ABHD16A: variants seen among roughly 807,000 people sequenced by gnomAD.
The protein encoded by ABHD16A is abhydrolase domain containing 16A, phospholipase, also known as phosphatidylserine lipase ABHD16A.
Under a neutral mutation model 89.8 loss-of-function variants are expected in ABHD16A, and 47 were observed. The ratio of observed to expected loss-of-function variants is 0.52; its 90% CI spans 0.41 to 0.67. The LOEUF (loss-of-function observed/expected upper bound fraction) is 0.67, where lower values mean the gene tolerates loss of function less well. Ranked by LOEUF, ABHD16A falls within the 30% of genes least tolerant of loss-of-function variation. The probability of loss-of-function intolerance (pLI) is 0.00; values close to 1 mark genes in which losing one functional copy is unlikely to be tolerated. For missense variants in ABHD16A, 580 were observed against 734.6 expected (o/e 0.79, Z 2.43); for synonymous variants, 251 against 280.4 (o/e 0.90, Z 1.05).
rs2151263505 is a variant in ABHD16A, at chr6:31,703,267, C to G, written c.15G>C (p.Leu5=). Residue 5 remains leucine (L), a synonymous_variant, in exon 1 of 20, where the codon CTG becomes CTC. Coordinates refer to ENST00000395952, the MANE Select transcript of ABHD16A (RefSeq NM_021160.3). MAKL[L]SCVLGPRLYK... is the part of the protein sequence containing the mutation. ...AGAGCCGGGGGCCTAGGACGCAGCT[C>G]AGCAGCTTCGCCATGGCCCCGGCTC... The G allele has an allele frequency of 7.3e-7, 1 of 1,363,302 alleles. No individual in the cohort carries two copies. Among genetic ancestry groups the G allele is most frequent in the South Asian group, 2.0e-5 (1 of 50,180 alleles). The allele number at this position is 1,363,302 out of a possible 1,614,324, so 84.5% of individuals were successfully genotyped here.
chr6:31,690,666 C>CTGCCCTCCCTGCCCAA lies in ABHD16A; in HGVS notation c.844-65_844-64insTTGGGCAGGGAGGGCA. 6.9e-7 allele frequency: 1 copy of CTGCCCTCCCTGCCCAA among 1,453,870 alleles called. No individual in the cohort carries two copies. The highest frequency in any genetic ancestry group is 9.7e-7 in the Non-Finnish European group (1 of 1,036,262). 90.1% of individuals were successfully genotyped at this position (1,453,870 alleles called of 1,614,324 possible). A position where few individuals can be genotyped will look rare whatever the true frequency, so the allele number is the denominator to read the frequency against. The stretch of plus-strand genomic sequence containing the variant: ...TTGGGACTGAAAAACTCCCTTTGGG[C>CTGCCCTCCCTGCCCAA]AGGGAGGGCAGCCCATGAAGAGCTT... On this transcript the variant is annotated intron_variant, in intron 9 of 19. Coordinates refer to ENST00000395952, the MANE Select transcript of ABHD16A (RefSeq NM_021160.3). The surrounding 1 kb of genome is among the most constrained non-coding windows in gnomAD (Gnocchi z 4.1).
intron 1 of ABHD16A, chr6:31,702,663 TG>T: frequency 6.5e-7 from 1 of 1,539,354 alleles, no homozygotes; most frequent in Non-Finnish European, 8.7e-7. Context: ...CAGGCTAGGT[TG>T]GGCGGGGGTT....
rs1003694889 is a variant in ABHD16A, at chr6:31,688,776, C to T, written c.1197G>A (p.Val399=). Reference sequence around the variant, plus strand: ...TGAGATGCTGCCTCACGGTCCTGGTCACCAGGCCCCCTAGAGTGGGATAAA... The same window carrying T: ...TGAGATGCTGCCTCACGGTCCTGGTTACCAGGCCCCCTAGAGTGGGATAAA... ...KVMPDSWRGL[V]TRTVRQHLNL... is the part of the protein sequence containing the mutation. Residue 399 remains valine (V), a synonymous_variant, in exon 14 of 20, where the codon GTG becomes GTA. Transcript: ENST00000395952. The surrounding 1 kb of genome is among the most constrained non-coding windows in gnomAD (Gnocchi z 4.9). 1.2e-5 allele frequency: 20 copies of T among 1,612,758 alleles called. No individual in the cohort carries two copies. Among genetic ancestry groups the T allele is most frequent in the Non-Finnish European group, 1.7e-5 (20 of 1,179,922 alleles).
intron 11 of ABHD16A, among the ~76,000 whole-genome samples, 174 bp downstream of exon 11, chr6:31,689,904 C>T (rs1803703523): frequency 6.6e-6 from 1 of 152,234 alleles, no homozygotes; most frequent in Non-Finnish European, 1.5e-5. Context: ...TAGCCCCGCA[C>T]TGTGGGGATG....
At chr6:31,699,080 C>A (rs1016971556) in intron 4 of ABHD16A, among the ~76,000 whole-genome samples, 2 of 152,186 alleles carry the variant, frequency 1.3e-5, no homozygotes, top group Non-Finnish European at 2.9e-5. Flanking sequence ...TGTTCTCCCC[C>A]ACCCCAGGTA....
chr6:31,690,684 A>C lies in ABHD16A; in HGVS notation c.844-82T>G. ...CTTTGGGCAGGGAGGGCAGCCCATG[A>C]AGAGCTTTGCAGGGAAGAGGAAAGG... On this transcript the variant is annotated intron_variant, in intron 9 of 19. Coordinates refer to ENST00000395952, the MANE Select transcript of ABHD16A (RefSeq NM_021160.3). The surrounding 1 kb of genome is among the most constrained non-coding windows in gnomAD (Gnocchi z 4.1). 7.7e-7 allele frequency: 1 copy of C among 1,293,388 alleles called. No individual in the cohort carries two copies. Among genetic ancestry groups the C allele is most frequent in the Non-Finnish European group, 1.1e-6 (1 of 890,750 alleles). 80.1% of individuals were successfully genotyped at this position (1,293,388 alleles called of 1,614,324 possible). A position where few individuals can be genotyped will look rare whatever the true frequency, so the allele number is the denominator to read the frequency against.
In ABHD16A at chr6:31,701,289, A is replaced by G. The variant is rs1435312202; in HGVS notation, c.241T>C (p.Tyr81His). 8 of 1,613,628 alleles carry G rather than the reference A, an allele frequency of 5.0e-6. No homozygotes were observed. The highest frequency in any genetic ancestry group is 6.8e-6 in the Non-Finnish European group (8 of 1,179,742). The part of the protein sequence containing the change: ...SYYSSPFAFF[Y>H]LYRKGYLSLS... ...CCACACTGACCTTTCCTGTACAAGT[A>G]GAAGAAGGCGAAGGGAGAGGAGTAA... The change falls in exon 3 of 20, where the codon TAC becomes CAC. Residue 81 changes from tyrosine to histidine, a missense_variant. Physicochemically the swap from Tyr to His is moderately conservative, Grantham distance 83. Around this residue, in one of 2 missense-constraint regions of ABHD16A, gnomAD observed 165 missense variants for 165.8 expected, o/e 1.00. Transcript: ENST00000395952.
chr6:31,703,075 G>A (rs1250316380), intron 1 of ABHD16A, 75 bp downstream of exon 1: 2 of 1,369,858 alleles, frequency 1.5e-6, no homozygotes, highest in Non-Finnish European at 1.9e-6. Context: ...CCCATTATGG[G>A]CACTTCTGGG....
In ABHD16A at chr6:31,688,368, C is replaced by G; in HGVS notation, c.1251-63G>C. The G allele has an allele frequency of 1.3e-6, 2 of 1,510,312 alleles. No homozygotes were observed. Among genetic ancestry groups the G allele is most frequent in the Non-Finnish European group, 1.8e-6 (2 of 1,087,042 alleles). The allele number at this position is 1,510,312 out of a possible 1,614,324, so 93.6% of individuals were successfully genotyped here. A position where few individuals can be genotyped will look rare whatever the true frequency, so the allele number is the denominator to read the frequency against. On this transcript the variant is annotated intron_variant, in intron 14 of 19. Coordinates refer to ENST00000395952, the MANE Select transcript of ABHD16A (RefSeq NM_021160.3). The surrounding 1 kb of genome is among the most constrained non-coding windows in gnomAD (Gnocchi z 4.9). ...GGGAGACGGGTGACAACTGGCCCACCCCTATCCCTGCACTGGTAGCATTCT... is the reference window on the plus strand; with the variant it reads ...GGGAGACGGGTGACAACTGGCCCACGCCTATCCCTGCACTGGTAGCATTCT...
chr6:31,699,027 C>A (rs1804647110), intron 4 of ABHD16A, among the ~76,000 whole-genome samples: 1 of 152,158 alleles, frequency 6.6e-6, no homozygotes, highest in Non-Finnish European at 1.5e-5. Context: ...CCTAGGTCAA[C>A]AAAGAGAACA....
chr6:31,690,929 T>C lies in ABHD16A; in HGVS notation c.844-327A>G, dbSNP rs1334790509. Among the ~76,000 whole-genome samples the C allele has an allele frequency of 1.3e-5, 2 of 152,174 alleles. No homozygotes were observed. The highest frequency in any genetic ancestry group is 2.9e-5 in the Non-Finnish European group (2 of 68,038). Reference sequence around the variant, plus strand: ...TCGGGTCTGTTATCTTCTGTGACCATTGCTATTGTGTGGTATGCTGATTGC... The same window carrying C: ...TCGGGTCTGTTATCTTCTGTGACCACTGCTATTGTGTGGTATGCTGATTGC... On this transcript the variant is annotated intron_variant, in intron 9 of 19. Coordinates refer to ENST00000395952, the MANE Select transcript of ABHD16A (RefSeq NM_021160.3). The surrounding 1 kb of genome is among the most constrained non-coding windows in gnomAD (Gnocchi z 4.1).
intron 5 of ABHD16A, among the ~76,000 whole-genome samples, chr6:31,695,405 G>C (rs1195514048): frequency 1.3e-5 from 2 of 152,336 alleles, no homozygotes; most frequent in East Asian, 3.9e-4. Flanking sequence ...CTGAGCTGCT[G>C]TGATACAGAG....
chr6:31,701,877 A>T (rs1805041111), intron 2 of ABHD16A, among the ~76,000 whole-genome samples, 197 bp downstream of exon 2: 1 of 152,218 alleles, frequency 6.6e-6, no homozygotes, highest in Non-Finnish European at 1.5e-5. Context: ...CAGAGAAAGC[A>T]GTGCTACATA....
Position 31,688,826 on chromosome 6 carries a change from C to A in ABHD16A, c.1187-40G>T. ...AGGTGAAGGGATGGCAGAGACAAAGCCCTTGCCCAACATAAAGGTCCTCAC... is the reference window on the plus strand; with the variant it reads ...AGGTGAAGGGATGGCAGAGACAAAGACCTTGCCCAACATAAAGGTCCTCAC... On this transcript the variant is annotated intron_variant, in intron 13 of 19. Transcript: ENST00000395952. This position sits in a 1 kb window ranked among gnomAD's most constrained non-coding sequence, Gnocchi z 4.9. The A allele has an allele frequency of 6.3e-7, 1 of 1,597,896 alleles. No individual in the cohort carries two copies. The highest frequency in any genetic ancestry group is 1.3e-5 in the African/African-American group (1 of 74,608).
chr6:31,694,988 T>C (rs1418195072), intron 5 of ABHD16A, among the ~76,000 whole-genome samples: 2 of 152,120 alleles, frequency 1.3e-5, no homozygotes, highest in Non-Finnish European at 2.9e-5. Flanking sequence ...TTTTCTCACA[T>C]TTACAAATAA....
At position 31,687,271 on chromosome 6, in the gene ABHD16A, C is replaced by CA; in HGVS notation, c.1617dup (p.Glu540Ter). The CA allele has an allele frequency of 6.2e-7, 1 of 1,612,942 alleles. No homozygotes were observed. The highest frequency in any genetic ancestry group is 8.5e-7 in the Non-Finnish European group (1 of 1,179,980). On this transcript the variant is annotated frameshift_variant, in exon 20 of 20. Transcript: ENST00000395952. LOFTEE classifies it high-confidence loss of function. The surrounding 1 kb of genome is among the most constrained non-coding windows in gnomAD (Gnocchi z 6.3). The stretch of plus-strand genomic sequence containing the variant: ...GGGAGTGGGGTGCAGTGAGTGGCCT[C>CA]AAAGTTGTGCAGATGCTTCCGAGCC...
In ABHD16A at chr6:31,687,626, C is replaced by T. The variant is rs576548642; in HGVS notation, c.1546+16G>A. Reference sequence around the variant, plus strand: ...AGGCCCTTCCCACCCTCTCTCCTGCCCCAGGAGCTCCTTACCCACGCTCCA... The same window carrying T: ...AGGCCCTTCCCACCCTCTCTCCTGCTCCAGGAGCTCCTTACCCACGCTCCA... On this transcript the variant is annotated intron_variant, in intron 18 of 19. Transcript: ENST00000395952. This position sits in a 1 kb window ranked among gnomAD's most constrained non-coding sequence, Gnocchi z 6.3. The T allele has an allele frequency of 1.2e-6, 2 of 1,612,898 alleles. No individual in the cohort carries two copies. The highest frequency in any genetic ancestry group is 1.3e-5 in the African/African-American group (1 of 74,990).
Position 31,687,368 on chromosome 6 carries a change from C to T in ABHD16A, c.1594-73G>A. On this transcript the variant is annotated intron_variant, in intron 19 of 19. Coordinates refer to ENST00000395952, the MANE Select transcript of ABHD16A (RefSeq NM_021160.3). The surrounding 1 kb of genome is among the most constrained non-coding windows in gnomAD (Gnocchi z 6.3). ...GGGCAGCCACTGGACTCCCTCCCCA[C>T]CCTCCACTTCCGCATCCACCACCCA... 1.3e-6 allele frequency: 2 copies of T among 1,595,350 alleles called. No homozygotes were observed. The highest frequency in any genetic ancestry group is 1.7e-6 in the Non-Finnish European group (2 of 1,164,640).
At chr6:31,696,277 A>G (rs1804383994) in intron 5 of ABHD16A, among the ~76,000 whole-genome samples, 1 of 151,540 alleles carries the variant, frequency 6.6e-6, no homozygotes, top group Admixed American at 6.6e-5. Flanking sequence ...GTTGTAGTAA[A>G]CTGAGATTGT....
Sources: gnomAD v4.1 joint callset for allele counts (sites outside exome capture counted in the v4.1 genomes callset) on GRCh38, gnomAD v4.1.1 for gene constraint, gnomAD v4.1.1 regional missense constraint, Gnocchi (gnomAD v3.1) non-coding constraint, MANE v1.5 for transcripts, NCBI Gene and HGNC (gene_info 2026-07-23, HGNC 2026-07-21) for gene names.